LAMP2: variants seen among roughly 807,000 people sequenced by gnomAD.
LAMP2 encodes the protein lysosome-associated membrane glycoprotein 2.
Under a neutral mutation model 25.6 loss-of-function variants are expected in LAMP2, and 4 were observed. That is an observed-to-expected ratio of 0.16 (90% CI 0.08 to 0.36). The LOEUF (loss-of-function observed/expected upper bound fraction) is 0.36, where lower values mean the gene tolerates loss of function less well. Among genes scored for constraint, LAMP2 ranks in the 10% least tolerant of loss-of-function variants. The probability of loss-of-function intolerance (pLI) is 1.00; values close to 1 mark genes in which losing one functional copy is unlikely to be tolerated. For missense variants in LAMP2, 272 were observed against 301.4 expected (o/e 0.90, Z 0.72); for synonymous variants, 108 against 112.7 (o/e 0.96, Z 0.27).
At position 120,429,878 on chromosome X, in the gene LAMP2, G is replaced by A. The variant is rs2058515639; in HGVS notation, c.*1445C>T. ...ATGAAATTAACAAAATGTGTTATCT[G>A]GTGTGATTTATGATTAAGCAATAAC... On this transcript the variant is annotated 3_prime_UTR_variant, in exon 9 of 9. Transcript: ENST00000200639. The A allele has an allele frequency of 2.7e-6, 2 of 751,937 alleles. No individual in the cohort carries two copies. The highest frequency in any genetic ancestry group is 3.1e-6 in the Non-Finnish European group (2 of 637,236). 62.0% of individuals were successfully genotyped at this position (751,937 alleles called of 1,213,427 possible).
chrX:120,446,699 C>T (rs1016384969), intron 5 of LAMP2, among the ~76,000 whole-genome samples: 48 of 110,954 alleles, frequency 4.3e-4, no homozygotes, highest in Admixed American at 3.6e-3. Context: ...GAGCCATCTG[C>T]CTCGCTTGTT....
chrX:120,438,692 TCACA>T lies in LAMP2; in HGVS notation c.1093+3034_1093+3037del, dbSNP rs67522937. 5,247 of 642,067 alleles carry T rather than the reference TCACA, an allele frequency of 8.2e-3. 17 individuals are homozygous for T. The highest frequency in any genetic ancestry group is 0.036 in the South Asian group (426 of 11,677). The allele number at this position is 642,067 out of a possible 1,213,427, so 52.9% of individuals were successfully genotyped here. A position where few individuals can be genotyped will look rare whatever the true frequency, so the allele number is the denominator to read the frequency against. On this transcript the variant is annotated intron_variant, in intron 8 of 8. Transcript: ENST00000200639. Reference sequence around the variant, plus strand: ...AGCTAAGTTAACCTGCAAACAAAAATCACACACACACACACACACACACACACAC... The same window carrying T: ...AGCTAAGTTAACCTGCAAACAAAAATCACACACACACACACACACACACAC...
chrX:120,431,327 A>C lies in LAMP2; in HGVS notation c.1229T>G (p.Phe410Cys). 8.3e-7 allele frequency: 1 copy of C among 1,210,603 alleles called. No homozygotes were observed. ...LKHHHAGYEQ[F>C] ...TAATCAATCAGGTTGCAGATTCTAA[A>C]ATTGCTCATATCCAGCATGATGGTG... The change falls in exon 9 of 9, where the codon TTT becomes TGT. Residue 410 changes from phenylalanine to cysteine, a missense_variant. By Grantham distance (205) the Phe-to-Cys change is radical (BLOSUM62 -2). Transcript: ENST00000200639.
rs920988839 is a variant in LAMP2 at position 120,438,790 on chromosome X, T to C, written c.1093+2940A>G. ...GTAGAACATGTTGTTCCAACTCAAC[T>C]ACCTGCAGGGAAAAAAAATCTCTTT... On this transcript the variant is annotated intron_variant, in intron 8 of 8. Coordinates refer to ENST00000200639, the MANE Select transcript of LAMP2 (RefSeq NM_002294.3). 17 of 832,022 alleles carry C rather than the reference T, an allele frequency of 2.0e-5. No individual in the cohort carries two copies. In the African/African-American group the frequency reaches 3.8e-4, roughly 18 times the overall value. 68.6% of individuals were successfully genotyped at this position (832,022 alleles called of 1,213,427 possible).
intron 8 of LAMP2, among the ~76,000 whole-genome samples, chrX:120,433,522 A>G (rs1335816534): frequency 8.9e-6 from 1 of 111,751 alleles, no homozygotes; most frequent in Non-Finnish European, 1.9e-5. Flanking sequence ...CAAAAGCGTA[A>G]GACATTAAGA....
intron 8 of LAMP2, chrX:120,437,048 A>G: frequency 2.7e-6 from 2 of 741,836 alleles, no homozygotes; most frequent in African/African-American, 4.6e-5. Context: ...TTACACTAAA[A>G]CACAGTTTAA....
At chrX:120,433,289 G>A (rs1030476233) in intron 8 of LAMP2, among the ~76,000 whole-genome samples, 3 of 111,445 alleles carry the variant, frequency 2.7e-5, no homozygotes, top group Non-Finnish European at 3.8e-5. Context: ...TGATTGGTTA[G>A]GACATCAAGA....
At chrX:120,451,967 AAT>A (rs2058623170) in intron 3 of LAMP2, among the ~76,000 whole-genome samples, 1 of 111,331 alleles carries the variant, frequency 9.0e-6, no homozygotes, top group Non-Finnish European at 1.9e-5. Context: ...TTTCTATCCA[AAT>A]ATGTCAGATT....
intron 1 of LAMP2, among the ~76,000 whole-genome samples, chrX:120,461,734 T>C (rs1476057043): frequency 8.9e-6 from 1 of 112,089 alleles, no homozygotes; most frequent in Non-Finnish European, 1.9e-5. Flanking sequence ...GAATGCATAT[T>C]AGATTTTCAA....
Position 120,430,791 on chromosome X carries a change from C to T in LAMP2, c.*532G>A, listed in dbSNP as rs2058519686. The T allele has an allele frequency of 4.0e-5, 30 of 756,756 alleles. No individual in the cohort carries two copies. The highest frequency in any genetic ancestry group is 4.7e-5 in the Non-Finnish European group (30 of 640,299). The allele number at this position is 756,756 out of a possible 1,213,427, so 62.4% of individuals were successfully genotyped here. On this transcript the variant is annotated 3_prime_UTR_variant, in exon 9 of 9. Coordinates refer to ENST00000200639, the MANE Select transcript of LAMP2 (RefSeq NM_002294.3). ...TTTAAAATGCTGATGGTCCTGAGGACATTCTCTACTTCATTCAACTGAAAA... is the reference window on the plus strand; with the variant it reads ...TTTAAAATGCTGATGGTCCTGAGGATATTCTCTACTTCATTCAACTGAAAA...
chrX:120,469,140 C>T lies in LAMP2; in HGVS notation c.30G>A (p.Pro10=), dbSNP rs11540224. 2.5e-6 allele frequency: 3 copies of T among 1,210,996 alleles called. No individual in the cohort carries two copies. The highest frequency in any genetic ancestry group is 1.7e-5 in the African/African-American group (1 of 57,501). The change falls in exon 1 of 9, where the codon CCG becomes CCA. Residue 10 remains proline (P), a synonymous_variant. Coordinates refer to ENST00000200639, the MANE Select transcript of LAMP2 (RefSeq NM_002294.3). MVCFRLFPV[P]GSGLVLVCLV... ...GGCAGACCAGAACGAGCCCTGAGCC[C>T]GGAACCGGGAAGAGGCGGAAGCACA...
intron 8 of LAMP2, 143 bp from the exon 9 acceptor site, chrX:120,431,605 C>A: frequency 1.9e-6 from 1 of 520,579 alleles, no homozygotes. Context: ...ATTTCATTAT[C>A]AGCAAATGAG....
intron 1 of LAMP2, among the ~76,000 whole-genome samples, chrX:120,462,114 C>T (rs1052235440): frequency 9.9e-5 from 11 of 111,660 alleles, no homozygotes; most frequent in African/African-American, 3.6e-4. Context: ...AATTTTAGAG[C>T]TGAGAGTTTA....
intron 7 of LAMP2, among the ~76,000 whole-genome samples, chrX:120,442,280 G>A (rs73639313): frequency 0.069 from 7,143 of 103,883 alleles, 668 homozygotes; most frequent in African/African-American, 0.24. Context: ...TTTCAGTGAA[G>A]GCCTGGGGGA....
At chrX:120,436,656 A>G in intron 8 of LAMP2, 10 of 732,998 alleles carry the variant, frequency 1.4e-5, no homozygotes, top group Non-Finnish European at 1.6e-5. Context: ...AAATGCTAAA[A>G]CATGAAAAAC....
At chrX:120,448,387 T>C (rs1014255033) in intron 4 of LAMP2, among the ~76,000 whole-genome samples, 1 of 112,395 alleles carries the variant, frequency 8.9e-6, no homozygotes, top group Non-Finnish European at 1.9e-5. Flanking sequence ...TTTGGTTCTT[T>C]ATTCCCACAT....
chrX:120,438,668 G>A (rs1300364219), intron 8 of LAMP2: 3 of 744,449 alleles, frequency 4.0e-6, no homozygotes, highest in Non-Finnish European at 4.7e-6. Flanking sequence ...TGCCAAAGTA[G>A]CTAAGTTAAC....
chrX:120,436,170 A>ACTCTCTCT (rs1232205922), intron 8 of LAMP2, among the ~76,000 whole-genome samples: 7 of 57,297 alleles, frequency 1.2e-4, no homozygotes, highest in African/African-American at 3.5e-4. Context: ...ACACACACAC[A>ACTCTCTCT]CTCTCTCTCT....
chrX:120,456,313 G>A, intron 2 of LAMP2, among the ~76,000 whole-genome samples: 3 of 110,945 alleles, frequency 2.7e-5, no homozygotes, highest in Middle Eastern at 9.3e-3. Context: ...GAGCCACCAT[G>A]CCCAGATGGG....
Sources: gnomAD v4.1 joint callset for allele counts (sites outside exome capture counted in the v4.1 genomes callset) on GRCh38, gnomAD v4.1.1 for gene constraint, MANE v1.5 for transcripts, NCBI Gene and HGNC (gene_info 2026-07-23, HGNC 2026-07-21) for gene names.